PRUNE2: variants seen among roughly 807,000 people sequenced by gnomAD.
PRUNE2 encodes protein prune homolog 2.
A neutral mutation model predicts 252.0 loss-of-function variants in PRUNE2; 164 were observed. That is an observed-to-expected ratio of 0.65 (90% CI 0.57 to 0.74). The LOEUF (loss-of-function observed/expected upper bound fraction) is 0.74. PRUNE2 is among the 30% of genes least tolerant of loss of function. The pLI, the probability that PRUNE2 is intolerant of heterozygous loss-of-function variation, is 0.00. For missense variants in PRUNE2, 3,495 were observed against 3,711.0 expected, an observed-to-expected ratio of 0.94 and a Z score of 1.51; for synonymous variants, 1,292 against 1,350.2, an observed-to-expected ratio of 0.96 and a Z score of 0.94.
chr9:76,719,697 G>C (rs1365221533), intron 6 of PRUNE2, among the ~76,000 whole-genome samples: 3 of 151,808 alleles, frequency 2.0e-5, no homozygotes, highest in Non-Finnish European at 4.4e-5. Context: ...ACCCAGGCTG[G>C]AGTGCAATGG....
chr9:76,787,700 C>T (rs1464505888), intron 6 of PRUNE2: 6 of 152,210 alleles, frequency 3.9e-5, no homozygotes, highest in Non-Finnish European at 8.8e-5. Flanking sequence ...GCCAAAGACA[C>T]TGCTTTGCTC....
chr9:76,685,261 C>T (rs1331455876), intron 9 of PRUNE2, among the ~76,000 whole-genome samples: 1 of 152,174 alleles, frequency 6.6e-6, no homozygotes, highest in Non-Finnish European at 1.5e-5. Context: ...TCTATATTTA[C>T]TCTGGGTCTC....
At chr9:76,717,796 T>C (rs922760824) in intron 6 of PRUNE2, among the ~76,000 whole-genome samples, 22 of 152,134 alleles carry the variant, frequency 1.4e-4, no homozygotes, top group African/African-American at 5.1e-4. Flanking sequence ...CAAAATCTCA[T>C]ACTAATGCCA....
chr9:76,883,408 G>A (rs1229296993), intron 1 of PRUNE2, among the ~76,000 whole-genome samples: 1 of 152,178 alleles, frequency 6.6e-6, no homozygotes, highest in Admixed American at 6.5e-5. Flanking sequence ...CCTTGGAAAA[G>A]CTGGTAGAAA....
intron 17 of PRUNE2, among the ~76,000 whole-genome samples, chr9:76,621,540 C>T (rs1414542247): frequency 6.6e-6 from 1 of 152,124 alleles, no homozygotes; most frequent in African/African-American, 2.4e-5. Context: ...GATGGCTTAC[C>T]CACTGAATCC....
intron 11 of PRUNE2, among the ~76,000 whole-genome samples, chr9:76,645,326 C>T (rs1209385572): frequency 6.6e-6 from 1 of 152,164 alleles, no homozygotes; most frequent in Non-Finnish European, 1.5e-5. Flanking sequence ...GGGGCCACAT[C>T]TCTTCAGTGC....
chr9:76,827,139 C>A (rs1460819715), intron 4 of PRUNE2, among the ~76,000 whole-genome samples: 1 of 152,114 alleles, frequency 6.6e-6, no homozygotes, highest in Admixed American at 6.5e-5. Flanking sequence ...AGAAAGAATA[C>A]TGTTTCCACT....
intron 6 of PRUNE2, among the ~76,000 whole-genome samples, chr9:76,804,416 G>A (rs761313667): frequency 1.3e-5 from 2 of 152,130 alleles, no homozygotes; most frequent in African/African-American, 2.4e-5. Context: ...AGGGTGAGAG[G>A]TTTAAAAGCA....
chr9:76,727,710 CTTTTT>C (rs373565657), intron 6 of PRUNE2, among the ~76,000 whole-genome samples: 1 of 42,900 alleles, frequency 2.3e-5, no homozygotes, highest in Admixed American at 4.3e-4. Context: ...GTAAACAGGG[CTTTTT>C]TTTTTTTTTT....
chr9:76,727,459 T>C (rs929789525), intron 6 of PRUNE2, among the ~76,000 whole-genome samples: 5 of 152,168 alleles, frequency 3.3e-5, no homozygotes, highest in Admixed American at 6.6e-5. Context: ...ATAACATCTT[T>C]CCATCAATTG....
intron 12 of PRUNE2, among the ~76,000 whole-genome samples, chr9:76,642,815 T>C (rs984447262): frequency 2.0e-5 from 3 of 152,136 alleles, no homozygotes; most frequent in South Asian, 4.1e-4. Flanking sequence ...GTTCAGGGTG[T>C]AGGAAAAGGT....
intron 6 of PRUNE2, among the ~76,000 whole-genome samples, chr9:76,775,659 T>G (rs1207980378): frequency 6.6e-6 from 1 of 152,228 alleles, no homozygotes; most frequent in Admixed American, 6.5e-5. Context: ...TCTTCAGGTA[T>G]GCAAGGAATG....
chr9:76,754,964 C>CAAAAAAA (rs11292120), intron 6 of PRUNE2, among the ~76,000 whole-genome samples: 1 of 67,994 alleles, frequency 1.5e-5, no homozygotes, highest in Non-Finnish European at 3.1e-5. Flanking sequence ...GACTCGGTCT[C>CAAAAAAA]AAAAAAAAAA....
intron 3 of PRUNE2, 50 bp from the exon 4 acceptor site, chr9:76,846,728 T>C (rs150170774): frequency 1.3e-6 from 2 of 1,520,726 alleles, no homozygotes; most frequent in Non-Finnish European, 1.8e-6. Context: ...GCATGTCTTA[T>C]TACTTTTTGG....
chr9:76,751,242 G>A (rs2050583578), intron 6 of PRUNE2, among the ~76,000 whole-genome samples: 3 of 124,550 alleles, frequency 2.4e-5, no homozygotes, highest in Non-Finnish European at 4.9e-5. Context: ...AAGTTCCCTA[G>A]GGGACACAGA....
At chr9:76,635,965 G>T (rs1475791887) in intron 15 of PRUNE2, among the ~76,000 whole-genome samples, 1 of 152,128 alleles carries the variant, frequency 6.6e-6, no homozygotes, top group Non-Finnish European at 1.5e-5. Flanking sequence ...CTCCTCAGGG[G>T]TGATCAAAAC....
intron 6 of PRUNE2, among the ~76,000 whole-genome samples, chr9:76,817,542 C>T (rs1279545783): frequency 6.6e-6 from 1 of 152,138 alleles, no homozygotes; most frequent in Non-Finnish European, 1.5e-5. Context: ...CCATAAAAAA[C>T]TCCACCCTTG....
chr9:76,706,403 C>G lies in PRUNE2; in HGVS notation c.5871G>C (p.Glu1957Asp). 6.2e-7 allele frequency: 1 copy of G among 1,605,318 alleles called. No homozygotes were observed. The highest frequency in any genetic ancestry group is 2.2e-5 in the East Asian group (1 of 44,884). Reference sequence around the variant, plus strand: ...CTGGCAGCATGGTGTCCTGACACTGCTCTTGGGTAGGTGTTTCAGGAGTCA... The same window carrying G: ...CTGGCAGCATGGTGTCCTGACACTGGTCTTGGGTAGGTGTTTCAGGAGTCA... ...DELTPETPTQ[E>D]QCQDTMLPVC... The change falls in exon 8 of 19, where the codon GAG becomes GAC. Residue 1957 changes from glutamate (E) to aspartate (D), a missense_variant. Coordinates refer to ENST00000376718, the MANE Select transcript of PRUNE2 (RefSeq NM_015225.3).
In PRUNE2 at chr9:76,780,685, C is replaced by T. The variant is rs545555955; in HGVS notation, c.756+42947G>A. 4.6e-5 allele frequency among the ~76,000 whole-genome samples: 7 copies of T among 152,044 alleles called. 1 individual carries two copies. In the South Asian group the frequency reaches 6.2e-4, roughly 14 times the overall value. Reference sequence around the variant, plus strand: ...CAGCCTGGGCGACAGAGCAAGACTCCGTCTCAAAAACAAACAAACAAACAA... The same window carrying T: ...CAGCCTGGGCGACAGAGCAAGACTCTGTCTCAAAAACAAACAAACAAACAA... On this transcript the variant is annotated intron_variant, in intron 6 of 18. Coordinates refer to ENST00000376718, the MANE Select transcript of PRUNE2 (RefSeq NM_015225.3).
Sources: gnomAD v4.1 joint callset for allele counts (sites outside exome capture counted in the v4.1 genomes callset) on GRCh38, gnomAD v4.1.1 for gene constraint, MANE v1.5 for transcripts, NCBI Gene and HGNC (gene_info 2026-07-23, HGNC 2026-07-21) for gene names.